Variants in EPM2A observed in about 807,000 individuals in gnomAD.
The protein encoded by EPM2A is laforin.
Under a neutral mutation model 26.5 loss-of-function variants are expected in EPM2A, and 21 were observed. The observed-to-expected ratio is 0.79, with a 90% CI of 0.56 to 1.14. EPM2A has a LOEUF of 1.14. Ranked by LOEUF, EPM2A falls within the 50% of genes most tolerant of loss-of-function variation. The pLI, the probability that EPM2A is intolerant of heterozygous loss-of-function variation, is 0.00. For missense variants in EPM2A, 458 were observed against 440.8 expected, an observed-to-expected ratio of 1.04 and a Z score of -0.35; for synonymous variants, 217 against 177.6, an observed-to-expected ratio of 1.22 and a Z score of -1.76.
At chr6:145,730,186 G>A (rs189300894) in intron 1 of EPM2A, among the ~76,000 whole-genome samples, 1 of 152,124 alleles carries the variant, frequency 6.6e-6, no homozygotes, top group African/African-American at 2.4e-5. Context: ...CCCAATCTCA[G>A]CTACTTCTTT....
rs578256937 is a variant in EPM2A at position 145,402,910 on chromosome 6, G to A, written c.556-18813C>T. On this transcript the variant is annotated intron_variant, in intron 4 of 4. Coordinates refer to the EPM2A transcript ENST00000638717. ...CCTAGAAGTGAGACGTCTATTCTAAGGATATGTGCATTTGCAATTTTAATG... is the reference window on the plus strand; with the variant it reads ...CCTAGAAGTGAGACGTCTATTCTAAAGATATGTGCATTTGCAATTTTAATG... 2.6e-4 allele frequency among the ~76,000 whole-genome samples: 39 copies of A among 152,226 alleles called. 1 individual carries two copies. In the South Asian group the frequency reaches 7.9e-3, roughly 31 times the overall value.
intron 1 of EPM2A, chr6:145,720,772 A>C (rs1054094830): frequency 6.6e-6 from 1 of 152,210 alleles, no homozygotes; most frequent in African/African-American, 2.4e-5. Flanking sequence ...TATAATGTTG[A>C]AAAATGTTGG....
At chr6:145,523,948 C>G (rs1186601559) in intron 2 of EPM2A, among the ~76,000 whole-genome samples, 3 of 152,130 alleles carry the variant, frequency 2.0e-5, no homozygotes, top group African/African-American at 7.2e-5. Context: ...TCTCCCACCT[C>G]TAGTGGAAGG....
chr6:145,410,159 G>A (rs1778625254), intron 4 of EPM2A, among the ~76,000 whole-genome samples: 1 of 152,178 alleles, frequency 6.6e-6, no homozygotes, highest in Admixed American at 6.6e-5. Context: ...ATGAGAGACG[G>A]TGTTGCAAGA....
rs144179010 is a variant in EPM2A, at chr6:145,502,083, A to C, written c.395-236T>G. On this transcript the variant is annotated intron_variant, in intron 3 of 3. Coordinates refer to the EPM2A transcript ENST00000450221. Reference sequence around the variant, plus strand: ...TATCTAATTGGACATTGGGAGAAACACTCTTAAGCAAAGAAACAAAGGCAT... The same window carrying C: ...TATCTAATTGGACATTGGGAGAAACCCTCTTAAGCAAAGAAACAAAGGCAT... Among the ~76,000 whole-genome samples the C allele has an allele frequency of 8.7e-3, 1,324 of 152,326 alleles. 55 individuals carry two copies. The highest frequency in any genetic ancestry group is 0.082 in the Admixed American group (1,254 of 15,292).
chr6:145,481,918 A>C (rs574972032), intron 4 of EPM2A, among the ~76,000 whole-genome samples: 4 of 130,638 alleles, frequency 3.1e-5, no homozygotes, highest in Admixed American at 2.2e-4. Flanking sequence ...GGATGAATAC[A>C]TAAATAAGGA....
intron 2 of EPM2A, among the ~76,000 whole-genome samples, chr6:145,520,392 G>A (rs1390935791): frequency 6.6e-6 from 1 of 152,040 alleles, no homozygotes; most frequent in African/African-American, 2.4e-5. Flanking sequence ...CCATCACTGT[G>A]GGACCTCTTA....
chr6:145,560,268 T>C lies in EPM2A; in HGVS notation c.341-57693A>G, dbSNP rs538669156. Among the ~76,000 whole-genome samples, 113 of 152,300 alleles carry C rather than the reference T, an allele frequency of 7.4e-4. 1 individual carries two copies. Among genetic ancestry groups the C allele is most frequent in the Non-Finnish European group, 1.2e-3 (85 of 68,018 alleles). Reference sequence around the variant, plus strand: ...AATCTTTTCGATGCAATCCACACTTTTCTAGGAAATCCAATCATCAGAAAT... The same window carrying C: ...AATCTTTTCGATGCAATCCACACTTCTCTAGGAAATCCAATCATCAGAAAT... On this transcript the variant is annotated intron_variant, in intron 2 of 3. Coordinates refer to the EPM2A transcript ENST00000450221.
chr6:145,432,529 G>C (rs1421165538), intron 4 of EPM2A, among the ~76,000 whole-genome samples: 3 of 149,632 alleles, frequency 2.0e-5, no homozygotes, highest in African/African-American at 7.3e-5. Context: ...AGTAGTCTCA[G>C]CAGTGGGCTT....
At chr6:145,429,299 TTAATA>T (rs1430725296) in intron 4 of EPM2A, among the ~76,000 whole-genome samples, 2 of 152,176 alleles carry the variant, frequency 1.3e-5, no homozygotes, top group Non-Finnish European at 2.9e-5. Flanking sequence ...CAACTATATT[TTAATA>T]TATCTATCAA....
At chr6:145,396,506 C>G (rs772592674) in intron 4 of EPM2A, among the ~76,000 whole-genome samples, 2 of 152,142 alleles carry the variant, frequency 1.3e-5, no homozygotes, top group Admixed American at 1.3e-4. Flanking sequence ...CTATTGCAAT[C>G]CAGACAAATG....
At chr6:145,454,802 C>G (rs758954112) in intron 4 of EPM2A, among the ~76,000 whole-genome samples, 1 of 152,156 alleles carries the variant, frequency 6.6e-6, no homozygotes, top group Non-Finnish European at 1.5e-5. Flanking sequence ...ATGGAACATT[C>G]ATGAAAATTG....
rs9485015 is a variant in EPM2A, at chr6:145,671,978, C to A, written c.476+14144G>T. On this transcript the variant is annotated intron_variant, in intron 2 of 3. Transcript: ENST00000367519. ...AGGAACAGAAATTACAGTCCTTAAC[C>A]ACTAACATCTCATTAAGTTAGTTAT... is the stretch of plus-strand genomic sequence containing the variant. 8.0e-3 allele frequency among the ~76,000 whole-genome samples: 1,220 copies of A among 152,236 alleles called. 17 individuals carry two copies. Among genetic ancestry groups the A allele is most frequent in the African/African-American group, 0.028 (1,167 of 41,544 alleles).
intron 1 of EPM2A, among the ~76,000 whole-genome samples, chr6:145,726,449 T>C (rs1562526466): frequency 6.6e-6 from 1 of 152,146 alleles, no homozygotes; most frequent in Non-Finnish European, 1.5e-5. Flanking sequence ...ACGTGAGCAC[T>C]GCACAGTGAC....
At chr6:145,446,206 C>G (rs1418624118) in intron 4 of EPM2A, among the ~76,000 whole-genome samples, 1 of 152,142 alleles carries the variant, frequency 6.6e-6, no homozygotes, top group Non-Finnish European at 1.5e-5. Flanking sequence ...AGTGAAACAC[C>G]AAAGTTGACC....
At chr6:145,713,668 T>C (rs1775461788) in intron 1 of EPM2A, among the ~76,000 whole-genome samples, 1 of 152,196 alleles carries the variant, frequency 6.6e-6, no homozygotes, top group African/African-American at 2.4e-5. Context: ...CAGTCTGGAA[T>C]TTCCTCAAAA....
At position 145,720,241 on chromosome 6, in the gene EPM2A, T is replaced by C. The variant is rs117248440; in HGVS notation, c.301+14957A>G. On this transcript the variant is annotated intron_variant, in intron 1 of 3. Coordinates refer to ENST00000367519, the MANE Select transcript of EPM2A (RefSeq NM_005670.4). ...GCTCTGGAGTAAAGAACTTTTTAAA[T>C]AAGTATTTCTTTTATGGGATACTTC... Among the ~76,000 whole-genome samples, 624 of 152,286 alleles carry C rather than the reference T, an allele frequency of 4.1e-3. 17 individuals carry two copies. The East Asian group carries it at 0.069, about 17-fold the overall frequency.
chr6:145,673,379 C>A (rs1208158164), intron 2 of EPM2A, among the ~76,000 whole-genome samples: 1 of 152,190 alleles, frequency 6.6e-6, no homozygotes, highest in East Asian at 1.9e-4. Context: ...TAGGTGATTT[C>A]TGCATTTCCA....
At chr6:145,637,212 A>G (rs1294281442) in intron 2 of EPM2A, 1 of 152,220 alleles carries the variant, frequency 6.6e-6, no homozygotes, top group Non-Finnish European at 1.5e-5. Context: ...TTATTCAGTT[A>G]ATTCTTCATT....
Sources: allele counts gnomAD v4.1 joint callset (sites outside exome capture counted in the v4.1 genomes callset), GRCh38; gene constraint gnomAD v4.1.1; transcripts MANE v1.5; gene names NCBI Gene and HGNC (gene_info 2026-07-23, HGNC 2026-07-21).